The following TMC6 variants were observed in gnomAD, a reference collection of about 807,000 sequenced individuals.
TMC6 encodes transmembrane channel-like protein 6.
TMC6 carries 71 observed loss-of-function variants against 95.4 expected under a neutral mutation model. That is an observed-to-expected ratio of 0.74 (90% CI 0.61 to 0.91). The LOEUF (loss-of-function observed/expected upper bound fraction) is 0.91, where lower values mean the gene tolerates loss of function less well. Among genes scored for constraint, TMC6 ranks in the 40% least tolerant of loss-of-function variants. The pLI is 0.00. For missense variants in TMC6, 1,074 were observed against 1,079.1 expected, an observed-to-expected ratio of 1.00 and a Z score of 0.07; for synonymous variants, 514 against 483.1, an observed-to-expected ratio of 1.06 and a Z score of -0.84.
rs907697260 is a variant in TMC6, at chr17:78,117,296, G to C, written c.2250C>G (p.Ile750Met). 18 of 1,613,536 alleles carry C rather than the reference G, an allele frequency of 1.1e-5. No homozygotes were observed. Among genetic ancestry groups the C allele is most frequent in the Middle Eastern group, 1.7e-4 (1 of 6,060 alleles). ...TGCTGATCTGCTCCTTGAGCAGGCA[G>C]ATGACCTTGCGCTGGCCCCGCACCA... ...IQVVRGQRKVICLLKEQISNE... is the reference protein window; with the variant it reads ...IQVVRGQRKVMCLLKEQISNE... Residue 750 changes from isoleucine (I) to methionine (M), a missense_variant, in exon 18 of 20, where the codon ATC becomes ATG. Coordinates refer to ENST00000590602, the MANE Select transcript of TMC6 (RefSeq NM_001127198.5).
At position 78,126,251 on chromosome 17, in the gene TMC6, A is replaced by G. The variant is rs752140118; in HGVS notation, c.271+26T>C. The G allele has an allele frequency of 5.2e-6, 8 of 1,543,894 alleles. No homozygotes were observed. In the African/African-American group the frequency reaches 6.8e-5, roughly 13 times the overall value. On this transcript the variant is annotated intron_variant, in intron 4 of 19. Coordinates refer to ENST00000590602, the MANE Select transcript of TMC6 (RefSeq NM_001127198.5). ...TGGGGTCAACTCGGGGCCGGGGCCG[A>G]GGCCGAGGCTGAGGGTCCCACTCAC...
chr17:78,126,178 A>G (rs886710455), intron 4 of TMC6, 99 bp downstream of exon 4: 19 of 1,464,746 alleles, frequency 1.3e-5, no homozygotes, highest in South Asian at 6.2e-5. Flanking sequence ...GGGAGCAGCC[A>G]CTACCCAGGG....
rs1445049461 is a variant in TMC6 at position 78,109,155 on chromosome 17, G to A, written c.*3993C>T. The A allele has an allele frequency of 1.0e-5, 3 of 301,384 alleles. No homozygotes were observed. The highest frequency in any genetic ancestry group is 2.0e-5 in the Non-Finnish European group (3 of 152,358). The allele number at this position is 301,384 out of a possible 1,614,324, so 18.7% of individuals were successfully genotyped here. On this transcript the variant is annotated 3_prime_UTR_variant, in exon 20 of 20. Transcript: ENST00000590602. Reference sequence around the variant, plus strand: ...CTGCTATTTTGGCAACATCACGGCAGAACGGTAAAGGCAGAAAGCACAGTG... The same window carrying A: ...CTGCTATTTTGGCAACATCACGGCAAAACGGTAAAGGCAGAAAGCACAGTG...
At chr17:78,123,919 T>C (rs2074559701) in intron 9 of TMC6, 70 bp downstream of exon 9, 2 of 1,581,880 alleles carry the variant, frequency 1.3e-6, no homozygotes, top group African/African-American at 1.4e-5. Flanking sequence ...GAAGAATCAA[T>C]GAATGGGTCG....
intron 18 of TMC6, chr17:78,114,058 C>G: frequency 3.3e-6 from 1 of 303,930 alleles, no homozygotes; most frequent in Non-Finnish European, 6.4e-6. Context: ...TAAAACACCA[C>G]CGGTTTCTCA....
rs1450382856 is a variant in TMC6 at position 78,112,767 on chromosome 17, T to C, written c.*381A>G. On this transcript the variant is annotated 3_prime_UTR_variant, in exon 20 of 20. Coordinates refer to ENST00000590602, the MANE Select transcript of TMC6 (RefSeq NM_001127198.5). ...GCAAGCGAATCAAGCCCTGGCGCGG[T>C]CCAGCCCCTGCCATCTGGGGCTTGG... is the stretch of plus-strand genomic sequence containing the variant. The C allele has an allele frequency of 5.8e-6, 2 of 342,246 alleles. No homozygotes were observed. Among genetic ancestry groups the C allele is most frequent in the Non-Finnish European group, 1.1e-5 (2 of 183,670 alleles). The allele number at this position is 342,246 out of a possible 1,614,324, so 21.2% of individuals were successfully genotyped here. A position where few individuals can be genotyped will look rare whatever the true frequency, so the allele number is the denominator to read the frequency against.
chr17:78,120,005 GA>G, intron 13 of TMC6: 1 of 391,610 alleles, frequency 2.6e-6, no homozygotes, highest in Non-Finnish European at 5.0e-6. Context: ...TATTCTCGAA[GA>G]AAACACCAAG....
intron 1 of TMC6, among the ~76,000 whole-genome samples, chr17:78,127,212 G>C (rs1598879312): frequency 6.6e-6 from 1 of 152,182 alleles, no homozygotes; most frequent in Non-Finnish European, 1.5e-5. Flanking sequence ...GGTGCCTGTA[G>C]ACACAGCCCC....
intron 13 of TMC6, chr17:78,120,356 T>C (rs2074350657): frequency 1.0e-5 from 5 of 479,034 alleles, no homozygotes; most frequent in Non-Finnish European, 1.6e-5. Flanking sequence ...GACGGGGTTT[T>C]GCCATGCTGG....
intron 18 of TMC6, among the ~76,000 whole-genome samples, chr17:78,116,708 G>C (rs2074135762): frequency 6.6e-6 from 1 of 152,122 alleles, no homozygotes; most frequent in Admixed American, 6.5e-5. Context: ...CAGTGAAACT[G>C]CATCTGTACG....
intron 18 of TMC6, among the ~76,000 whole-genome samples, chr17:78,115,684 G>A (rs1249698791): frequency 3.2e-5 from 3 of 94,282 alleles, no homozygotes; most frequent in African/African-American, 1.4e-4. Flanking sequence ...GCACAGGGGC[G>A]AAGGGAGTGG....
chr17:78,113,433 A>G, intron 19 of TMC6, 115 bp downstream of exon 19: 1 of 1,353,564 alleles, frequency 7.4e-7, no homozygotes, highest in Non-Finnish European at 1.0e-6. Flanking sequence ...GTAGGTCAAA[A>G]GCGGTCAAGT....
At chr17:78,115,313 C>A (rs2074009170) in intron 18 of TMC6, among the ~76,000 whole-genome samples, 2 of 152,200 alleles carry the variant, frequency 1.3e-5, no homozygotes, top group Admixed American at 1.3e-4. Context: ...AGCCGCTGAT[C>A]CCCACAAGCG....
At position 78,120,628 on chromosome 17, in the gene TMC6, C is replaced by G. The variant is rs1352545137; in HGVS notation, c.1715+25G>C. ...GCCACTAAGGGGAGAACACTCACCACCCAGTCCGCCCAGGACCCCCTCACC... is the reference window on the plus strand; with the variant it reads ...GCCACTAAGGGGAGAACACTCACCAGCCAGTCCGCCCAGGACCCCCTCACC... On this transcript the variant is annotated intron_variant, in intron 13 of 19. Coordinates refer to ENST00000590602, the MANE Select transcript of TMC6 (RefSeq NM_001127198.5). 4 of 1,613,894 alleles carry G rather than the reference C, an allele frequency of 2.5e-6. No individual in the cohort carries two copies. The Admixed American group carries it at 6.7e-5, about 27-fold the overall frequency.
intron 8 of TMC6, 49 bp from the exon 9 acceptor site, chr17:78,124,228 CCG>C: frequency 6.2e-7 from 1 of 1,604,636 alleles, no homozygotes; most frequent in East Asian, 2.2e-5. Context: ...CACGCCCCAC[CCG>C]ACCCTCAGGC....
intron 15 of TMC6, 136 bp downstream of exon 15, chr17:78,118,835 G>C: frequency 1.0e-6 from 1 of 957,390 alleles, no homozygotes; most frequent in South Asian, 1.4e-5. Context: ...GGACAGGCCA[G>C]GGCAGCCCCG....
At chr17:78,114,081 G>A in intron 18 of TMC6, 1 of 297,060 alleles carries the variant, frequency 3.4e-6, no homozygotes, top group South Asian at 3.1e-5. Context: ...TTTCAGTTCT[G>A]GAAGTGAGAA....
chr17:78,129,962 CAGAA>C (rs1224366320), upstream of TMC6, among the ~76,000 whole-genome samples: 1 of 152,150 alleles, frequency 6.6e-6, no homozygotes, highest in Non-Finnish European at 1.5e-5. The surrounding 1 kb of genome is among the most constrained non-coding windows in gnomAD (Gnocchi z 4.3). Flanking sequence ...GCCTGACACA[CAGAA>C]AGGACTCTGG....
At position 78,126,539 on chromosome 17, in the gene TMC6, C is replaced by A; in HGVS notation, c.166G>T (p.Glu56Ter). Residue 56 changes from glutamate to a stop codon, truncating the protein, a stop_gained, in exon 3 of 20, where the codon GAG becomes TAG. Transcript: ENST00000590602. LOFTEE classifies it high-confidence loss of function. Reference sequence around the variant, plus strand: ...CTGAGCTCACCTGTCACCTCCCGCTCTCTCTGCTGCAGCTCCAGCCCCTCC... The same window carrying A: ...CTGAGCTCACCTGTCACCTCCCGCTATCTCTGCTGCAGCTCCAGCCCCTCC... ...AQEGLELQQREREVTGSSQQT... is the reference protein window; with the variant it reads ...AQEGLELQQR 6.2e-7 allele frequency: 1 copy of A among 1,613,726 alleles called. No individual in the cohort carries two copies. Among genetic ancestry groups the A allele is most frequent in the South Asian group, 1.1e-5 (1 of 91,086 alleles).
Sources: allele counts gnomAD v4.1 joint callset (sites outside exome capture counted in the v4.1 genomes callset), GRCh38; gene constraint gnomAD v4.1.1; non-coding constraint Gnocchi (gnomAD v3.1); transcripts MANE v1.5; gene names NCBI Gene and HGNC (gene_info 2026-07-23, HGNC 2026-07-21).